VAC14: variants seen among roughly 807,000 people sequenced by gnomAD.
VAC14 encodes protein VAC14 homolog.
In VAC14, 47 loss-of-function variants were observed where a neutral mutation model predicts 85.3. The observed-to-expected ratio is 0.55, with a 90% CI of 0.44 to 0.70. VAC14 has a LOEUF of 0.70. Ranked by LOEUF, VAC14 falls within the 30% of genes least tolerant of loss-of-function variation. VAC14 has a pLI of 0.00. For synonymous variants in VAC14, 447 were observed against 430.5 expected (o/e 1.04, Z -0.47); for missense variants, 861 against 1,004.3 (o/e 0.86, Z 1.93).
chr16:70,694,854 T>C (rs2142989845), intron 17 of VAC14, among the ~76,000 whole-genome samples: 1 of 152,352 alleles, frequency 6.6e-6, no homozygotes, highest in Admixed American at 6.5e-5. Context: ...GGTACAGGCA[T>C]GGCTCTTGGG....
chr16:70,783,570 G>C lies in VAC14; in HGVS notation c.595-16C>G, dbSNP rs1239905807. On this transcript the variant is annotated splice_polypyrimidine_tract_variant and intron_variant, in intron 5 of 18. Coordinates refer to ENST00000261776, the MANE Select transcript of VAC14 (RefSeq NM_018052.5). ...GAACCAGGATCTGACCAGGGGAAGG[G>C]AACAGGAGGGGAAGTCAGCTCCAGA... 6 of 1,611,452 alleles carry C rather than the reference G, an allele frequency of 3.7e-6. No homozygotes were observed. The highest frequency in any genetic ancestry group is 5.1e-6 in the Non-Finnish European group (6 of 1,179,064).
At chr16:70,752,142 G>A (rs1400817117) in intron 12 of VAC14, among the ~76,000 whole-genome samples, 2 of 152,204 alleles carry the variant, frequency 1.3e-5, no homozygotes, top group African/African-American at 2.4e-5. Flanking sequence ...GGGGGATGAG[G>A]ACAGCATTCT....
chr16:70,733,778 G>A (rs72792875), intron 13 of VAC14, among the ~76,000 whole-genome samples: 2,788 of 152,150 alleles, frequency 0.018, 34 homozygotes, highest in Non-Finnish European at 0.026. Context: ...AGAACTGTAA[G>A]CCAATTAAAT....
At chr16:70,790,312 A>G (rs959033013) in intron 1 of VAC14, among the ~76,000 whole-genome samples, 1 of 152,074 alleles carries the variant, frequency 6.6e-6, no homozygotes, top group South Asian at 2.1e-4. Flanking sequence ...ACAAAGGCTC[A>G]GAGGAAGGAG....
chr16:70,725,904 T>C (rs1350090852), intron 14 of VAC14, among the ~76,000 whole-genome samples: 1 of 152,162 alleles, frequency 6.6e-6, no homozygotes, highest in African/African-American at 2.4e-5. Flanking sequence ...CAGTGGCTCA[T>C]TACAGATGCA....
intron 14 of VAC14, among the ~76,000 whole-genome samples, chr16:70,726,099 G>A (rs969761140): frequency 4.6e-5 from 7 of 152,246 alleles, no homozygotes; most frequent in Non-Finnish European, 1.0e-4. Context: ...GTCGGGTCAC[G>A]CTGGAGTTCA....
intron 14 of VAC14, among the ~76,000 whole-genome samples, chr16:70,720,441 C>A (rs1430813030): frequency 6.6e-6 from 1 of 152,152 alleles, no homozygotes; most frequent in East Asian, 1.9e-4. Context: ...GGTGCTGAAG[C>A]ATGTGTTATG....
At chr16:70,772,558 T>C (rs140593986) in intron 9 of VAC14, 1 of 162,812 alleles carries the variant, frequency 6.1e-6, no homozygotes, top group East Asian at 1.7e-4. Flanking sequence ...ATGGCTAAAA[T>C]AAAAGACAAA....
At chr16:70,721,665 G>A (rs1050678934) in intron 14 of VAC14, among the ~76,000 whole-genome samples, 7 of 152,096 alleles carry the variant, frequency 4.6e-5, no homozygotes, top group African/African-American at 9.7e-5. Context: ...CGTGGCTCTC[G>A]TCTCAGCTCT....
intron 12 of VAC14, 96 bp from the exon 13 acceptor site, chr16:70,744,675 G>T (rs926546821): frequency 2.1e-6 from 3 of 1,425,946 alleles, no homozygotes; most frequent in Non-Finnish European, 2.8e-6. Flanking sequence ...CCACCTGCAG[G>T]GGTGGGAGGG....
At chr16:70,781,455 G>A (rs2033805314) in intron 8 of VAC14, among the ~76,000 whole-genome samples, 1 of 152,208 alleles carries the variant, frequency 6.6e-6, no homozygotes, top group South Asian at 2.1e-4. Flanking sequence ...TCGTCTCAGG[G>A]CTACGTTAGG....
chr16:70,792,154 G>A (rs2034368920), intron 1 of VAC14, among the ~76,000 whole-genome samples: 1 of 152,156 alleles, frequency 6.6e-6, no homozygotes, highest in African/African-American at 2.4e-5. Context: ...CCAGCCTGTG[G>A]TGTGGTCTCT....
chr16:70,731,948 C>T (rs2054604083), intron 13 of VAC14, among the ~76,000 whole-genome samples: 1 of 152,060 alleles, frequency 6.6e-6, no homozygotes, highest in Non-Finnish European at 1.5e-5. Context: ...GTGTATAAGA[C>T]CCTGCTAGGT....
intron 14 of VAC14, among the ~76,000 whole-genome samples, chr16:70,710,911 C>T (rs953708242): frequency 3.3e-5 from 5 of 152,268 alleles, no homozygotes; most frequent in Admixed American, 1.3e-4. Context: ...CCCGTGGCAA[C>T]TTTCCTTCAA....
chr16:70,691,153 G>C (rs2053587848), intron 18 of VAC14: 26 of 985,398 alleles, frequency 2.6e-5, no homozygotes, highest in Non-Finnish European at 3.0e-5. Context: ...GCTTCCCTCT[G>C]CAAACTTGTT....
intron 10 of VAC14, chr16:70,768,541 G>A (rs2032983139): frequency 6.6e-6 from 2 of 303,970 alleles, no homozygotes; most frequent in South Asian, 5.1e-5. Context: ...CAGACCTACA[G>A]CCACCTCACC....
At chr16:70,786,585 G>T (rs536223469) in intron 1 of VAC14, among the ~76,000 whole-genome samples, 5 of 152,202 alleles carry the variant, frequency 3.3e-5, no homozygotes, top group Non-Finnish European at 7.4e-5. Context: ...AAGGAACAGT[G>T]GTGCTATCTC....
chr16:70,794,587 C>A (rs1316115710), intron 1 of VAC14, among the ~76,000 whole-genome samples: 1 of 152,342 alleles, frequency 6.6e-6, no homozygotes, highest in South Asian at 2.1e-4. Context: ...AAGCTCCCGA[C>A]GATTTGCTTT....
At chr16:70,700,771 G>C (rs1412325885) in intron 14 of VAC14, among the ~76,000 whole-genome samples, 2 of 152,308 alleles carry the variant, frequency 1.3e-5, no homozygotes, top group East Asian at 3.9e-4. Flanking sequence ...TGTTCCAGAA[G>C]GGCAGGCACA....
Sources: allele counts gnomAD v4.1 joint callset (sites outside exome capture counted in the v4.1 genomes callset), GRCh38; gene constraint gnomAD v4.1.1; transcripts MANE v1.5; gene names NCBI Gene and HGNC (gene_info 2026-07-23, HGNC 2026-07-21).